The following PAX5 variants were observed in gnomAD, a reference collection of about 807,000 sequenced individuals.
PAX5 encodes paired box 5.
PAX5 carries 9 observed loss-of-function variants against 43.7 expected under a neutral mutation model. The observed-to-expected ratio is 0.21, with a 90% confidence interval of 0.12 to 0.36. The LOEUF (loss-of-function observed/expected upper bound fraction) is 0.36, where lower values mean the gene tolerates loss of function less well. Among genes scored for constraint, PAX5 ranks in the 10% least tolerant of loss-of-function variants. PAX5 has a pLI of 1.00. For missense variants in PAX5, 383 were observed against 532.7 expected, an observed-to-expected ratio of 0.72 and a Z score of 2.77; for synonymous variants, 228 against 214.3, an observed-to-expected ratio of 1.06 and a Z score of -0.56.
intron 7 of PAX5, among the ~76,000 whole-genome samples, chr9:36,883,168 C>T (rs1034085063): frequency 6.6e-6 from 1 of 152,166 alleles, no homozygotes; most frequent in Non-Finnish European, 1.5e-5. Context: ...TGCCCCCCTG[C>T]CCCCTGGGAG....
chr9:37,026,315 G>C (rs568879030), intron 1 of PAX5, among the ~76,000 whole-genome samples: 3 of 152,370 alleles, frequency 2.0e-5, no homozygotes, highest in Admixed American at 6.5e-5. Context: ...CGCTGCCCAA[G>C]CTACGCGTTG....
At chr9:36,923,246 C>T in intron 7 of PAX5, 109 bp downstream of exon 7, 1 of 1,420,682 alleles carries the variant, frequency 7.0e-7, no homozygotes, top group Non-Finnish European at 9.5e-7. Context: ...CTTGTTAAAA[C>T]AAAATTGGCC....
At chr9:36,869,653 A>AGCCCCTC (rs2131696446) in intron 8 of PAX5, among the ~76,000 whole-genome samples, 1 of 152,290 alleles carries the variant, frequency 6.6e-6, no homozygotes, top group South Asian at 2.1e-4. Flanking sequence ...CTGTTACCAC[A>AGCCCCTC]ACTGGCCCCC....
At chr9:36,940,717 A>G (rs1180482705) in intron 6 of PAX5, among the ~76,000 whole-genome samples, 1 of 151,974 alleles carries the variant, frequency 6.6e-6, no homozygotes, top group Non-Finnish European at 1.5e-5. Context: ...ATCGAATTTG[A>G]GTCTGGAGAG....
intron 8 of PAX5, among the ~76,000 whole-genome samples, chr9:36,873,075 A>C (rs1007013455): frequency 1.5e-4 from 23 of 152,170 alleles, no homozygotes; most frequent in Admixed American, 3.9e-4. Flanking sequence ...ACAGACTGGC[A>C]AACTCACTCT....
intron 6 of PAX5, among the ~76,000 whole-genome samples, chr9:36,941,577 A>T (rs1020887928): frequency 6.6e-6 from 1 of 152,202 alleles, no homozygotes; most frequent in Admixed American, 6.5e-5. Context: ...GATTGGAGCC[A>T]CCACCTGTGA....
At chr9:36,877,074 T>C (rs576679787) in intron 8 of PAX5, among the ~76,000 whole-genome samples, 2 of 152,346 alleles carry the variant, frequency 1.3e-5, no homozygotes, top group South Asian at 4.1e-4. Flanking sequence ...CAGTGGCTCA[T>C]GCCTGTAATC....
chr9:36,850,527 C>G (rs1823055511), intron 8 of PAX5, among the ~76,000 whole-genome samples: 2 of 152,202 alleles, frequency 1.3e-5, no homozygotes, highest in Non-Finnish European at 1.5e-5. Context: ...ACAATGAACC[C>G]CTTTCAGATG....
At chr9:36,944,015 A>C (rs1832283974) in intron 6 of PAX5, among the ~76,000 whole-genome samples, 1 of 152,148 alleles carries the variant, frequency 6.6e-6, no homozygotes, top group South Asian at 2.1e-4. Flanking sequence ...GCAAGACTCC[A>C]TCCCTACAAA....
intron 6 of PAX5, among the ~76,000 whole-genome samples, chr9:36,950,768 T>A (rs1352461063): frequency 2.1e-5 from 3 of 145,416 alleles, no homozygotes; most frequent in African/African-American, 2.5e-5. Flanking sequence ...TGAGATGGAG[T>A]CTTGCCCTCT....
intron 9 of PAX5, among the ~76,000 whole-genome samples, chr9:36,842,352 A>G (rs1822139755): frequency 6.6e-6 from 1 of 152,046 alleles, no homozygotes; most frequent in African/African-American, 2.4e-5. Flanking sequence ...CAGGGTAATC[A>G]CAGGGTCTGC....
At chr9:36,960,182 C>T (rs865871582) in intron 6 of PAX5, among the ~76,000 whole-genome samples, 25 of 152,278 alleles carry the variant, frequency 1.6e-4, no homozygotes, top group Middle Eastern at 3.4e-3. Flanking sequence ...TAGAAACAGG[C>T]TGAAAGAATG....
chr9:36,941,092 GAA>G (rs1462395241), intron 6 of PAX5, among the ~76,000 whole-genome samples: 1 of 152,216 alleles, frequency 6.6e-6, no homozygotes, highest in African/African-American at 2.4e-5. Context: ...TAGGGTAAGA[GAA>G]AGCACGGATT....
intron 6 of PAX5, among the ~76,000 whole-genome samples, chr9:36,962,599 CTTG>C (rs756715171): frequency 3.3e-5 from 5 of 152,106 alleles, no homozygotes; most frequent in South Asian, 2.1e-4. Flanking sequence ...TGCAGCTGTT[CTTG>C]TTGTTGTCGT....
intron 5 of PAX5, among the ~76,000 whole-genome samples, chr9:36,990,809 T>C (rs890734364): frequency 9.2e-5 from 14 of 152,228 alleles, no homozygotes; most frequent in Admixed American, 5.9e-4. Flanking sequence ...TGCTTCCCGC[T>C]AATTTAAATT....
chr9:36,924,540 T>C (rs1830427800), intron 6 of PAX5, among the ~76,000 whole-genome samples: 1 of 151,800 alleles, frequency 6.6e-6, no homozygotes. Context: ...GGAAACATGG[T>C]GAAACCCTGT....
chr9:36,943,728 A>G (rs1832260584), intron 6 of PAX5, among the ~76,000 whole-genome samples: 1 of 152,240 alleles, frequency 6.6e-6, no homozygotes, highest in African/African-American at 2.4e-5. Flanking sequence ...CAAAGAACCT[A>G]CACCTATAAG....
In PAX5 at chr9:36,966,722, T is replaced by C; in HGVS notation, c.607A>G (p.Ile203Val). 1 of 1,613,826 alleles carries C rather than the reference T, an allele frequency of 6.2e-7. No homozygotes were observed. Among genetic ancestry groups the C allele is most frequent in the Non-Finnish European group, 8.5e-7 (1 of 1,179,806 alleles). The change falls in exon 6 of 10, where the codon ATT (isoleucine) becomes GTT (valine). Residue 203 changes from isoleucine (I) to valine (V), a missense_variant and splice_region_variant. By Grantham distance (29) the Ile-to-Val change is conservative. Transcript: ENST00000358127. ...CCGTTCGGCACCGGAGACTCCTGAA[T>C]ACCTTTGATGAGCAGGAGAGAGGAA... Reference protein sequence around the residue: ...DTNKRKRDEGIQESPVPNGHS... With the variant: ...DTNKRKRDEGVQESPVPNGHS...
chr9:36,992,617 A>G (rs2132335210), intron 5 of PAX5, among the ~76,000 whole-genome samples: 1 of 152,354 alleles, frequency 6.6e-6, no homozygotes, highest in Non-Finnish European at 1.5e-5. Flanking sequence ...ACATATCCCA[A>G]TCGGCTAGTG....
Sources: allele counts gnomAD v4.1 joint callset (sites outside exome capture counted in the v4.1 genomes callset), GRCh38; gene constraint gnomAD v4.1.1; transcripts MANE v1.5; gene names NCBI Gene and HGNC (gene_info 2026-07-23, HGNC 2026-07-21).